Variants in SEMA5A observed in about 807,000 individuals in gnomAD.
SEMA5A encodes the protein semaphorin-5A.
SEMA5A carries 55 observed loss-of-function variants against 135.5 expected under a neutral mutation model. That is an observed-to-expected ratio of 0.41 (90% CI 0.33 to 0.51). The LOEUF is 0.51. Among genes scored for constraint, SEMA5A ranks in the 20% least tolerant of loss-of-function variants. The probability of loss-of-function intolerance (pLI) is 0.37; values close to 1 mark genes in which losing one functional copy is unlikely to be tolerated. For synonymous variants in SEMA5A, 580 were observed against 546.5 expected, an observed-to-expected ratio of 1.06 and a Z score of -0.85; for missense variants, 1,290 against 1,419.9, an observed-to-expected ratio of 0.91 and a Z score of 1.47.
chr5:9,269,117 C>T (rs904107337), intron 5 of SEMA5A, among the ~76,000 whole-genome samples: 8 of 151,998 alleles, frequency 5.3e-5, no homozygotes, highest in South Asian at 2.1e-4. Context: ...AGAGAAAATC[C>T]GCGGGATGGA....
intron 1 of SEMA5A, among the ~76,000 whole-genome samples, chr5:9,451,839 G>T (rs1758655760): frequency 6.6e-6 from 1 of 152,152 alleles, no homozygotes; most frequent in African/African-American, 2.4e-5. Flanking sequence ...TTCCTGCACG[G>T]CTGAGGATGG....
At chr5:9,202,509 G>A (rs778118133) in intron 8 of SEMA5A, among the ~76,000 whole-genome samples, 5 of 152,128 alleles carry the variant, frequency 3.3e-5, no homozygotes, top group South Asian at 4.2e-4. Flanking sequence ...TTAATGGGAC[G>A]TTAATACCAA....
chr5:9,377,242 A>T lies in SEMA5A; in HGVS notation c.124+2581T>A, dbSNP rs543127795. On this transcript the variant is annotated intron_variant, in intron 3 of 22. Coordinates refer to ENST00000382496, the MANE Select transcript of SEMA5A (RefSeq NM_003966.3). ...TGCCACCTTTCATCTAAGGAAAGAG[A>T]ACATAAATATATATTTGTATGTGTG... is the stretch of plus-strand genomic sequence containing the variant. 1.4e-4 allele frequency among the ~76,000 whole-genome samples: 21 copies of T among 152,322 alleles called. No homozygotes were observed. The South Asian group carries it at 4.4e-3, about 32-fold the overall frequency.
intron 2 of SEMA5A, among the ~76,000 whole-genome samples, chr5:9,381,443 T>TGCTCTGCTC (rs1579445373): frequency 6.6e-6 from 1 of 152,200 alleles, no homozygotes; most frequent in Non-Finnish European, 1.5e-5. Context: ...GCTCAGTGAC[T>TGCTCTGCTC]GCTCTGCTCG....
intron 3 of SEMA5A, among the ~76,000 whole-genome samples, chr5:9,365,551 G>C (rs1196068446): frequency 6.6e-6 from 1 of 152,044 alleles, no homozygotes; most frequent in African/African-American, 2.4e-5. Flanking sequence ...GAGTGTTTCA[G>C]CACCATTTAA....
chr5:9,221,136 AAACTC>A (rs1746928257), intron 8 of SEMA5A, among the ~76,000 whole-genome samples: 1 of 152,166 alleles, frequency 6.6e-6, no homozygotes, highest in African/African-American at 2.4e-5. Flanking sequence ...ACTTGGTTGA[AAACTC>A]AAGAGAGAAG....
chr5:9,443,408 A>G (rs970952545), intron 1 of SEMA5A, among the ~76,000 whole-genome samples: 38 of 152,198 alleles, frequency 2.5e-4, no homozygotes, highest in Admixed American at 1.0e-3. Flanking sequence ...AGAAGCAGCT[A>G]CAGGGATAAC....
intron 4 of SEMA5A, among the ~76,000 whole-genome samples, chr5:9,332,031 C>A (rs896370234): frequency 6.6e-6 from 1 of 152,238 alleles, no homozygotes; most frequent in Admixed American, 6.5e-5. Context: ...CAGCTATGGG[C>A]TGATACTCAC....
At chr5:9,189,045 A>G (rs1744953283) in intron 11 of SEMA5A, among the ~76,000 whole-genome samples, 2 of 152,176 alleles carry the variant, frequency 1.3e-5, no homozygotes, top group Non-Finnish European at 2.9e-5. Context: ...ACTCAGTGGC[A>G]CTGCCTGCCA....
chr5:9,423,713 G>C (rs1181729361), intron 2 of SEMA5A, among the ~76,000 whole-genome samples: 1 of 152,244 alleles, frequency 6.6e-6, no homozygotes, highest in Admixed American at 6.5e-5. Context: ...TGTGAACAAT[G>C]CAAGTGAGGT....
At chr5:9,093,742 C>T (rs959668338) in intron 16 of SEMA5A, among the ~76,000 whole-genome samples, 2 of 152,008 alleles carry the variant, frequency 1.3e-5, no homozygotes, top group South Asian at 2.1e-4. Context: ...ACTGTGCACC[C>T]CCATGCCTGG....
At chr5:9,242,053 T>C (rs750202663) in intron 5 of SEMA5A, among the ~76,000 whole-genome samples, 2 of 152,226 alleles carry the variant, frequency 1.3e-5, no homozygotes, top group African/African-American at 2.4e-5. Flanking sequence ...TTTTCATATG[T>C]TTACATTCAT....
intron 12 of SEMA5A, among the ~76,000 whole-genome samples, chr5:9,150,930 C>T (rs947659593): frequency 3.9e-5 from 6 of 152,170 alleles, no homozygotes; most frequent in Non-Finnish European, 7.4e-5. Flanking sequence ...AATCTGACCA[C>T]TGAATGGGTG....
rs1333930623 is a variant in SEMA5A, at chr5:9,415,540, C to T, written c.-78+22216G>A. On this transcript the variant is annotated intron_variant, in intron 2 of 22. Transcript: ENST00000382496. ...GATGAAAAATTATCTTTTCCATTAA[C>T]ATCAATTGCATCAAAATCAGTATTT... Among the ~76,000 whole-genome samples the T allele has an allele frequency of 2.0e-5, 3 of 152,154 alleles. No individual in the cohort carries two copies. In the East Asian group the frequency reaches 5.8e-4, roughly 29 times the overall value.
intron 2 of SEMA5A, among the ~76,000 whole-genome samples, chr5:9,388,492 A>G (rs1444565138): frequency 6.6e-6 from 1 of 152,068 alleles, no homozygotes; most frequent in Non-Finnish European, 1.5e-5. Context: ...AAGAAAAAGA[A>G]AAAAGTACTT....
chr5:9,523,824 C>A lies in SEMA5A; in HGVS notation c.-175+21760G>T, dbSNP rs139425276. 2.1e-3 allele frequency among the ~76,000 whole-genome samples: 320 copies of A among 152,320 alleles called. 1 individual carries two copies. In the South Asian group the frequency reaches 0.033, roughly 16 times the overall value. On this transcript the variant is annotated intron_variant, in intron 1 of 22. Coordinates refer to ENST00000382496, the MANE Select transcript of SEMA5A (RefSeq NM_003966.3). ...CCAGGTCATCCTCTGTGCTCCGCTC[C>A]CTTACAGATGGTGTACAGGGTCAAT... is the stretch of plus-strand genomic sequence containing the variant.
intron 3 of SEMA5A, among the ~76,000 whole-genome samples, chr5:9,368,501 T>C (rs575936148): frequency 6.6e-6 from 1 of 152,354 alleles, no homozygotes; most frequent in East Asian, 1.9e-4. Context: ...CCTCTTCATC[T>C]TGATATAGAA....
In SEMA5A at chr5:9,041,169, T is replaced by C. The variant is rs1213595444; in HGVS notation, c.*1728A>G. 3.3e-5 allele frequency: 5 copies of C among 152,260 alleles called. No homozygotes were observed. Among genetic ancestry groups the C allele is most frequent in the African/African-American group, 1.2e-4 (5 of 41,462 alleles). 9.4% of individuals were successfully genotyped at this position (152,260 alleles called of 1,614,324 possible). ...CTCTGTAAATCTGGGTATATGAGAA[T>C]ATTTTGAACTCAACAATATTCATTA... On this transcript the variant is annotated 3_prime_UTR_variant, in exon 23 of 23. Coordinates refer to ENST00000382496, the MANE Select transcript of SEMA5A (RefSeq NM_003966.3).
chr5:9,250,854 A>G (rs572267659), intron 5 of SEMA5A, among the ~76,000 whole-genome samples: 8 of 152,344 alleles, frequency 5.3e-5, no homozygotes, highest in Admixed American at 2.0e-4. Context: ...TGGAATTTAA[A>G]AGTGGAAAAA....
Sources: gnomAD v4.1 joint callset for allele counts (sites outside exome capture counted in the v4.1 genomes callset) on GRCh38, gnomAD v4.1.1 for gene constraint, MANE v1.5 for transcripts, NCBI Gene and HGNC (gene_info 2026-07-23, HGNC 2026-07-21) for gene names.